HSD17B13: variants seen among roughly 807,000 people sequenced by gnomAD.
HSD17B13 encodes 17-beta-hydroxysteroid dehydrogenase 13.
A neutral mutation model predicts 31.1 loss-of-function variants in HSD17B13; 26 were observed. That is an observed-to-expected ratio of 0.84 (90% CI 0.61 to 1.16). The LOEUF (loss-of-function observed/expected upper bound fraction) is 1.16. Ranked by LOEUF, HSD17B13 falls within the 50% of genes most tolerant of loss-of-function variation. The probability of loss-of-function intolerance (pLI) is 0.00; values close to 1 mark genes in which losing one functional copy is unlikely to be tolerated. For synonymous variants in HSD17B13, 141 were observed against 133.7 expected (o/e 1.05, Z -0.38); for missense variants, 374 against 366.5 (o/e 1.02, Z -0.17).
chr4:87,306,896 G>A (rs1367581163), intron 6 of HSD17B13, among the ~76,000 whole-genome samples: 1 of 95,146 alleles, frequency 1.1e-5, no homozygotes, highest in Non-Finnish European at 1.8e-5. Flanking sequence ...AACAGAGTGA[G>A]ACCCAATCTA....
At chr4:87,318,888 T>C (rs549881993) in intron 1 of HSD17B13, among the ~76,000 whole-genome samples, 5 of 149,600 alleles carry the variant, frequency 3.3e-5, no homozygotes, top group South Asian at 4.3e-4. Flanking sequence ...CTTTTAAAAA[T>C]TGGCCTCCTG....
chr4:87,314,641 T>TCTCTTTCACA (rs373166006), intron 4 of HSD17B13, among the ~76,000 whole-genome samples: 16 of 142,140 alleles, frequency 1.1e-4, no homozygotes, highest in Admixed American at 4.2e-4. Flanking sequence ...TCTCTCTCTC[T>TCTCTTTCACA]CACACACACA....
At chr4:87,317,563 C>CTTTATTTTTTTTTTT (rs1734681075) in intron 2 of HSD17B13, among the ~76,000 whole-genome samples, 3 of 49,744 alleles carry the variant, frequency 6.0e-5, no homozygotes, top group South Asian at 8.8e-4. Context: ...TTTCTTTAAA[C>CTTTATTTTTTTTTTT]TTTTTTTTTT....
chr4:87,319,355 G>A (rs917960528), intron 1 of HSD17B13, among the ~76,000 whole-genome samples: 2 of 152,166 alleles, frequency 1.3e-5, no homozygotes, highest in Admixed American at 1.3e-4. Flanking sequence ...CTCTTGGTTG[G>A]AGGCTGTACA....
intron 6 of HSD17B13, among the ~76,000 whole-genome samples, chr4:87,309,181 G>A (rs553966669): frequency 8.6e-5 from 13 of 151,832 alleles, no homozygotes; most frequent in Non-Finnish European, 1.6e-4. Flanking sequence ...TCAGGAGTTC[G>A]AGACCAGCCT....
chr4:87,317,346 G>A, intron 2 of HSD17B13, 123 bp from the exon 3 acceptor site: 1 of 930,604 alleles, frequency 1.1e-6, no homozygotes, highest in Non-Finnish European at 1.6e-6. Flanking sequence ...GTTCAGGCAA[G>A]ACAGACTGTT....
At chr4:87,313,015 G>A (rs553843344) in intron 5 of HSD17B13, among the ~76,000 whole-genome samples, 112 of 151,648 alleles carry the variant, frequency 7.4e-4, no homozygotes, top group Middle Eastern at 6.8e-3. Context: ...AGCTGAGATC[G>A]CGCCACTGTA....
In HSD17B13 at chr4:87,304,487, GC is replaced by G. The variant is rs1311589885; in HGVS notation, c.*730del. 1 of 152,086 alleles carries G rather than the reference GC, an allele frequency of 6.6e-6. No individual in the cohort carries two copies. Among genetic ancestry groups the G allele is most frequent in the Admixed American group, 6.6e-5 (1 of 15,266 alleles). 9.4% of individuals were successfully genotyped at this position (152,086 alleles called of 1,614,324 possible). ...TCTCTGGGACCAAGGATATATGAAA[GC>G]ATAAATTACAAAGAAAAAGGTTATC... On this transcript the variant is annotated 3_prime_UTR_variant, in exon 7 of 7. Transcript: ENST00000328546.
intron 6 of HSD17B13, 92 bp from the exon 7 acceptor site, chr4:87,305,400 G>A (rs1734368111): frequency 8.7e-6 from 6 of 688,966 alleles, no homozygotes; most frequent in Non-Finnish European, 1.4e-5. Flanking sequence ...TACGCTGAGA[G>A]TTATCTGGTT....
At position 87,305,292 on chromosome 4, in the gene HSD17B13, C is replaced by A; in HGVS notation, c.829G>T (p.Ala277Ser). Residue 277 changes from alanine to serine, a missense_variant, in exon 7 of 7, where the codon GCC becomes TCC. Ala to Ser is a moderately conservative substitution (Grantham distance 99). Transcript: ENST00000328546. ...LRLQKFLPER[A>S]SAILNRMQNI... ...TGCATACGATTTAAAATCGCTGAGG[C>A]GCGTTCAGGAAGAAACCTGTACAAA... The A allele has an allele frequency of 1.2e-6, 2 of 1,602,246 alleles. No individual in the cohort carries two copies. The highest frequency in any genetic ancestry group is 1.7e-6 in the Non-Finnish European group (2 of 1,176,622).
chr4:87,313,625 C>A (rs73839184), intron 5 of HSD17B13, among the ~76,000 whole-genome samples, 198 bp downstream of exon 5: 1 of 152,124 alleles, frequency 6.6e-6, no homozygotes. Flanking sequence ...CCCAGTTCAT[C>A]GGTGGCTGAT....
Position 87,304,898 on chromosome 4 carries a change from T to G in HSD17B13, c.*320A>C, listed in dbSNP as rs1734353077. 5.4e-6 allele frequency: 1 copy of G among 184,734 alleles called. No homozygotes were observed. Among genetic ancestry groups the G allele is most frequent in the African/African-American group, 2.3e-5 (1 of 42,610 alleles). 11.4% of individuals were successfully genotyped at this position (184,734 alleles called of 1,614,324 possible). The stretch of plus-strand genomic sequence containing the variant: ...CTGTGTAAATAAGTTCTCTTTGTAT[T>G]TACTTTTAGGGAGGTAGCTTTTGTC... On this transcript the variant is annotated 3_prime_UTR_variant, in exon 7 of 7. Transcript: ENST00000328546.
intron 1 of HSD17B13, among the ~76,000 whole-genome samples, chr4:87,322,114 A>G (rs6828094): frequency 0.098 from 14,998 of 152,296 alleles, 2,414 homozygotes; most frequent in African/African-American, 0.34. Flanking sequence ...CGTTTATCAT[A>G]TGCTAAGTGC....
intron 5 of HSD17B13, among the ~76,000 whole-genome samples, chr4:87,312,851 G>A (rs1029482853): frequency 6.6e-6 from 1 of 151,846 alleles, no homozygotes; most frequent in Non-Finnish European, 1.5e-5. Flanking sequence ...CCTGAGGTCA[G>A]GAGTTTGAGA....
In HSD17B13 at chr4:87,310,376, GA is replaced by G. The variant is rs1734506946; in HGVS notation, c.696-18del. On this transcript the variant is annotated intron_variant, in intron 5 of 6. Coordinates refer to ENST00000328546, the MANE Select transcript of HSD17B13 (RefSeq NM_178135.5). The stretch of plus-strand genomic sequence containing the variant: ...GGCCATAATCTGTGATTAAAAAGAG[GA>G]AAATATTATTTTTATTTTCTAAAAT... 7.2e-7 allele frequency: 1 copy of G among 1,396,678 alleles called. No individual in the cohort carries two copies. The highest frequency in any genetic ancestry group is 9.4e-7 in the Non-Finnish European group (1 of 1,069,396). The allele number at this position is 1,396,678 out of a possible 1,614,324, so 86.5% of individuals were successfully genotyped here.
rs61748262 is a variant in HSD17B13 at position 87,317,092 on chromosome 4, C to T, written c.450G>A (p.Trp150Ter). 1,222 of 1,613,660 alleles carry T rather than the reference C, an allele frequency of 7.6e-4. 8 individuals carry two copies. In the African/African-American group the frequency reaches 0.014, roughly 18 times the overall value. ...TFEVNILGHF[W>*]ITKALLPSMM... is the part of the protein sequence containing the mutation. The stretch of plus-strand genomic sequence containing the variant: ...AGAAATGTTTCTGACTCACACTCAC[C>T]CAAAAATGTCCTAGGATGTTGACCT... Residue 150 changes from tryptophan to a stop codon, truncating the protein, a stop_gained and splice_region_variant, in exon 3 of 7, where the codon TGG (tryptophan) becomes TGA (stop). Coordinates refer to ENST00000328546, the MANE Select transcript of HSD17B13 (RefSeq NM_178135.5). LOFTEE classifies it high-confidence loss of function.
intron 1 of HSD17B13, among the ~76,000 whole-genome samples, chr4:87,319,248 A>G (rs797006220): frequency 5.9e-5 from 9 of 152,358 alleles, no homozygotes; most frequent in African/African-American, 2.2e-4. Flanking sequence ...CCTAGTTGCA[A>G]TGAGATTACC....
rs1190112015 is a variant in HSD17B13 at position 87,304,618 on chromosome 4, TTGG to T, written c.*597_*599del. 6.6e-6 allele frequency: 1 copy of T among 152,220 alleles called. No individual in the cohort carries two copies. The highest frequency in any genetic ancestry group is 6.5e-5 in the Admixed American group (1 of 15,278). 9.4% of individuals were successfully genotyped at this position (152,220 alleles called of 1,614,324 possible). On this transcript the variant is annotated 3_prime_UTR_variant, in exon 7 of 7. Coordinates refer to ENST00000328546, the MANE Select transcript of HSD17B13 (RefSeq NM_178135.5). ...GGGAGGAAATATAGAGGGTCCACTT[TTGG>T]TGGACTTCAGAGTTATACAGAAGAC...
At chr4:87,313,689 TA>T in intron 5 of HSD17B13, 133 bp downstream of exon 5, 1 of 627,908 alleles carries the variant, frequency 1.6e-6, no homozygotes. Flanking sequence ...AATTTCAAGA[TA>T]ATAATAATAA....
Sources: allele counts gnomAD v4.1 joint callset (sites outside exome capture counted in the v4.1 genomes callset), GRCh38; gene constraint gnomAD v4.1.1; transcripts MANE v1.5; gene names NCBI Gene and HGNC (gene_info 2026-07-23, HGNC 2026-07-21).